Variants in KLHL14 observed in about 807,000 individuals in gnomAD.
The protein encoded by KLHL14 is kelch-like protein 14.
KLHL14 carries 22 observed loss-of-function variants against 64.3 expected under a neutral mutation model. That is an observed-to-expected ratio of 0.34 (90% CI 0.24 to 0.49). KLHL14 has a LOEUF of 0.49. Among genes scored for constraint, KLHL14 ranks in the 20% least tolerant of loss-of-function variants. KLHL14 has a pLI of 0.99. For synonymous variants in KLHL14, 322 were observed against 333.4 expected (o/e 0.97, Z 0.37); for missense variants, 661 against 789.0 (o/e 0.84, Z 1.94).
At chr18:32,724,683 G>A (rs556832956) in intron 3 of KLHL14, among the ~76,000 whole-genome samples, 5 of 152,256 alleles carry the variant, frequency 3.3e-5, no homozygotes, top group Admixed American at 2.0e-4. Context: ...GAAGTTCTTC[G>A]TCTATGTTAG....
intron 2 of KLHL14, among the ~76,000 whole-genome samples, chr18:32,754,288 C>T (rs2050270962): frequency 6.6e-6 from 1 of 152,218 alleles, no homozygotes; most frequent in South Asian, 2.1e-4. Context: ...GAGCCAGTCT[C>T]ATTACTGAGA....
At chr18:32,728,635 T>C (rs988545695) in intron 3 of KLHL14, among the ~76,000 whole-genome samples, 1 of 152,168 alleles carries the variant, frequency 6.6e-6, no homozygotes, top group Non-Finnish European at 1.5e-5. Flanking sequence ...GGGTAGGCCC[T>C]AACACCAATG....
chr18:32,704,092 C>A (rs191596826), intron 3 of KLHL14, among the ~76,000 whole-genome samples: 2 of 152,042 alleles, frequency 1.3e-5, no homozygotes, highest in South Asian at 2.1e-4. Flanking sequence ...AAATAGTAAA[C>A]CCTCTAAATG....
chr18:32,675,060 C>T (rs2049804591), intron 8 of KLHL14, among the ~76,000 whole-genome samples: 1 of 152,052 alleles, frequency 6.6e-6, no homozygotes, highest in Non-Finnish European at 1.5e-5. Context: ...AGATGCTCAA[C>T]AAATCCTAAA....
intron 8 of KLHL14, among the ~76,000 whole-genome samples, chr18:32,675,649 A>G (rs1455916660): frequency 3.3e-5 from 5 of 152,146 alleles, no homozygotes; most frequent in South Asian, 2.1e-4. Context: ...TTCTTTGTCA[A>G]CTTTAGAGGC....
At chr18:32,766,515 T>C (rs1248081972) in intron 2 of KLHL14, among the ~76,000 whole-genome samples, 1 of 152,080 alleles carries the variant, frequency 6.6e-6, no homozygotes, top group Non-Finnish European at 1.5e-5. Flanking sequence ...AATCTACTAT[T>C]TTGGCAATTT....
At chr18:32,729,982 T>C (rs1367482619) in intron 3 of KLHL14, among the ~76,000 whole-genome samples, 2 of 152,228 alleles carry the variant, frequency 1.3e-5, no homozygotes, top group African/African-American at 4.8e-5. Flanking sequence ...GAATTGATAC[T>C]TCAACAGCTG....
At chr18:32,742,693 TAGC>T (rs2050205138) in intron 2 of KLHL14, among the ~76,000 whole-genome samples, 2 of 152,140 alleles carry the variant, frequency 1.3e-5, no homozygotes, top group Admixed American at 1.3e-4. Flanking sequence ...ACTGGCGATA[TAGC>T]AGCACCAATT....
rs917872081 is a variant in KLHL14 at position 32,702,664 on chromosome 18, T to C, written c.1070-7112A>G. ...CTCTACTATAGTTTCAAACTACAAA[T>C]AAATGGAAACATTTTGTGTATTTGG... On this transcript the variant is annotated intron_variant, in intron 3 of 8. Transcript: ENST00000359358. 6.6e-5 allele frequency among the ~76,000 whole-genome samples: 10 copies of C among 152,298 alleles called. No homozygotes were observed. In the Middle Eastern group the frequency reaches 0.01, roughly 155 times the overall value.
At chr18:32,739,770 G>A (rs1040420507) in intron 3 of KLHL14, among the ~76,000 whole-genome samples, 5 of 151,898 alleles carry the variant, frequency 3.3e-5, no homozygotes, top group Non-Finnish European at 7.4e-5. Context: ...TCTAACATGT[G>A]AAAACTATGG....
intron 2 of KLHL14, among the ~76,000 whole-genome samples, chr18:32,757,268 G>C (rs2050286829): frequency 2.6e-5 from 4 of 152,190 alleles, no homozygotes; most frequent in African/African-American, 7.2e-5. Context: ...TTCTCTTCAA[G>C]AGCAGCAGTA....
intron 4 of KLHL14, among the ~76,000 whole-genome samples, chr18:32,695,107 A>G (rs1462875212): frequency 6.6e-6 from 1 of 152,140 alleles, no homozygotes; most frequent in Non-Finnish European, 1.5e-5. Context: ...AATGGGAGAA[A>G]GGTGGTGGAG....
At chr18:32,759,936 G>C (rs999026587) in intron 2 of KLHL14, among the ~76,000 whole-genome samples, 4 of 152,150 alleles carry the variant, frequency 2.6e-5, no homozygotes, top group Admixed American at 6.5e-5. Flanking sequence ...ATAGAAAGTG[G>C]TGAGGGCCTA....
chr18:32,706,878 G>A (rs944088232), intron 3 of KLHL14, among the ~76,000 whole-genome samples: 4 of 152,194 alleles, frequency 2.6e-5, no homozygotes, highest in Non-Finnish European at 4.4e-5. Context: ...GGCACAGGGA[G>A]ATGTCTGAAG....
chr18:32,713,951 T>C (rs2050032461), intron 3 of KLHL14, among the ~76,000 whole-genome samples: 1 of 152,188 alleles, frequency 6.6e-6, no homozygotes, highest in Non-Finnish European at 1.5e-5. Flanking sequence ...TTAAATTTCT[T>C]TTAAAAATCT....
In KLHL14 at chr18:32,674,803, A is replaced by C; in HGVS notation, c.1747-6T>G. 1.3e-6 allele frequency: 1 copy of C among 780,296 alleles called. No homozygotes were observed. Among genetic ancestry groups the C allele is most frequent in the Non-Finnish European group, 2.4e-6 (1 of 417,644 alleles). The allele number at this position is 780,296 out of a possible 1,614,324, so 48.3% of individuals were successfully genotyped here. On this transcript the variant is annotated splice_polypyrimidine_tract_variant and splice_region_variant and intron_variant, in intron 8 of 8. Coordinates refer to ENST00000359358, the MANE Select transcript of KLHL14 (RefSeq NM_020805.3). ...GTAGATGACTTGTAGGCCCCCTGTA[A>C]TGACAGAGGAGGGAGCATTTAGAGA...
rs1282336085 is a variant in KLHL14 at position 32,683,847 on chromosome 18, T to C, written c.1239-3248A>G. On this transcript the variant is annotated intron_variant, in intron 5 of 8. Coordinates refer to ENST00000359358, the MANE Select transcript of KLHL14 (RefSeq NM_020805.3). The surrounding 1 kb of genome is among the most constrained non-coding windows in gnomAD (Gnocchi z 4.2). Reference sequence around the variant, plus strand: ...TGCTTGAATTTTTGACTTTTGTCGTTGGATTAAAAACAATGGATATGTTAG... The same window carrying C: ...TGCTTGAATTTTTGACTTTTGTCGTCGGATTAAAAACAATGGATATGTTAG... Among the ~76,000 whole-genome samples, 1 of 152,204 alleles carries C rather than the reference T, an allele frequency of 6.6e-6. No individual in the cohort carries two copies. Among genetic ancestry groups the C allele is most frequent in the Non-Finnish European group, 1.5e-5 (1 of 68,030 alleles).
rs764195137 is a variant in KLHL14, at chr18:32,677,215, A to G, written c.1704T>C (p.Leu568=). The change falls in exon 8 of 9, where the codon CTT becomes CTC. Residue 568 remains leucine, a synonymous_variant. Coordinates refer to ENST00000359358, the MANE Select transcript of KLHL14 (RefSeq NM_020805.3). The part of the protein sequence containing the change: ...EGRSGPGCAV[L]DDSIYLVGGY... ...CTCCCACAAGGTAAATGCTGTCATC[A>G]AGCACTGCACAGCCAGGGCCACTTC... 8 of 1,613,552 alleles carry G rather than the reference A, an allele frequency of 5.0e-6. No homozygotes were observed. The highest frequency in any genetic ancestry group is 6.8e-6 in the Non-Finnish European group (8 of 1,179,676).
At chr18:32,754,817 A>G (rs1455163520) in intron 2 of KLHL14, among the ~76,000 whole-genome samples, 1 of 152,224 alleles carries the variant, frequency 6.6e-6, no homozygotes, top group Non-Finnish European at 1.5e-5. Flanking sequence ...CATGGCAACA[A>G]ATAAGTGTCC....
Sources: allele counts gnomAD v4.1 joint callset (sites outside exome capture counted in the v4.1 genomes callset), GRCh38; gene constraint gnomAD v4.1.1; non-coding constraint Gnocchi (gnomAD v3.1); transcripts MANE v1.5; gene names NCBI Gene and HGNC (gene_info 2026-07-23, HGNC 2026-07-21).